Variants in COL24A1 observed in about 807,000 individuals in gnomAD.
The protein encoded by COL24A1 is collagen type XXIV alpha 1 chain.
Under a neutral mutation model 253.9 loss-of-function variants are expected in COL24A1, and 224 were observed. That is an observed-to-expected ratio of 0.88 (90% confidence interval 0.79 to 0.99). The LOEUF (loss-of-function observed/expected upper bound fraction) is 0.99. Ranked by LOEUF, COL24A1 falls within the 50% of genes least tolerant of loss-of-function variation. The pLI is 0.00. For synonymous variants in COL24A1, 685 were observed against 673.7 expected (o/e 1.02, Z -0.26); for missense variants, 2,131 against 2,068.5 (o/e 1.03, Z -0.59).
chr1:85,921,464 T>C (rs1490028104), intron 24 of COL24A1, among the ~76,000 whole-genome samples: 1 of 152,100 alleles, frequency 6.6e-6, no homozygotes, highest in Non-Finnish European at 1.5e-5. Context: ...GGATGAAGCT[T>C]CCAGAGGAAG....
intron 47 of COL24A1, among the ~76,000 whole-genome samples, chr1:85,786,983 G>T (rs1669748424): frequency 6.6e-6 from 1 of 152,102 alleles, no homozygotes; most frequent in South Asian, 2.1e-4. Flanking sequence ...ACTAAATTCA[G>T]TCCATCACCT....
chr1:86,097,848 T>C (rs1704129042), intron 5 of COL24A1, among the ~76,000 whole-genome samples: 1 of 152,030 alleles, frequency 6.6e-6, no homozygotes, highest in Admixed American at 6.6e-5. Context: ...CTATGGCATG[T>C]CCCCTGAACT....
At chr1:85,971,228 A>T (rs1475237946) in intron 21 of COL24A1, 112 bp downstream of exon 21, 1 of 773,416 alleles carries the variant, frequency 1.3e-6, no homozygotes, top group African/African-American at 1.8e-5. Flanking sequence ...ATAAAATGGT[A>T]ACTGGAAATC....
At chr1:85,966,137 T>G (rs965782210) in intron 22 of COL24A1, among the ~76,000 whole-genome samples, 1 of 152,060 alleles carries the variant, frequency 6.6e-6, no homozygotes, top group Admixed American at 6.6e-5. Context: ...CTGGATATAA[T>G]GTGAAGGTAG....
chr1:86,102,002 T>C (rs922452652), intron 5 of COL24A1, among the ~76,000 whole-genome samples: 1 of 152,028 alleles, frequency 6.6e-6, no homozygotes, highest in Non-Finnish European at 1.5e-5. Flanking sequence ...ACTACGAATC[T>C]ATCTGGTCCT....
At chr1:86,073,596 T>C (rs1332428085) in intron 7 of COL24A1, among the ~76,000 whole-genome samples, 1 of 152,090 alleles carries the variant, frequency 6.6e-6, no homozygotes, top group Non-Finnish European at 1.5e-5. Context: ...CAGACCAACA[T>C]TCAAATTCAG....
At chr1:85,784,449 C>T (rs966284780) in intron 48 of COL24A1, 83 bp from the exon 49 acceptor site, 2 of 933,778 alleles carry the variant, frequency 2.1e-6, no homozygotes, top group African/African-American at 3.2e-5. Flanking sequence ...AATACAGGCC[C>T]ATCCTTAGGC....
chr1:85,852,753 C>A (rs1403360786), intron 37 of COL24A1, among the ~76,000 whole-genome samples: 1 of 152,058 alleles, frequency 6.6e-6, no homozygotes, highest in Non-Finnish European at 1.5e-5. Flanking sequence ...TTGGAAATTG[C>A]ATTTAAAAAT....
Position 86,067,217 on chromosome 1 carries a change from C to A in COL24A1, c.1708-3458G>T, listed in dbSNP as rs1701561983. Among the ~76,000 whole-genome samples the A allele has an allele frequency of 3.3e-5, 5 of 151,790 alleles. No individual in the cohort carries two copies. The South Asian group carries it at 1.0e-3, about 32-fold the overall frequency. On this transcript the variant is annotated intron_variant, in intron 7 of 59. Transcript: ENST00000370571. ...GAAGAATTCACGTAAGGTCAGTGGA[C>A]ATATCAGGCTCCCACGGGGCACTTC... is the stretch of plus-strand genomic sequence containing the variant.
intron 24 of COL24A1, among the ~76,000 whole-genome samples, chr1:85,926,990 T>C (rs566429735): frequency 2.0e-5 from 3 of 152,314 alleles, no homozygotes; most frequent in South Asian, 2.1e-4. Flanking sequence ...ACCAGGTTGA[T>C]GGTAACCTGT....
intron 36 of COL24A1, 67 bp downstream of exon 36, chr1:85,868,715 G>T: frequency 7.1e-7 from 1 of 1,417,950 alleles, no homozygotes; most frequent in South Asian, 1.3e-5. Flanking sequence ...CAAAAACAAT[G>T]ATGTCTAATA....
intron 3 of COL24A1, among the ~76,000 whole-genome samples, chr1:86,120,617 G>A (rs1352040155): frequency 1.3e-5 from 2 of 152,152 alleles, no homozygotes; most frequent in Non-Finnish European, 2.9e-5. Context: ...AGTTAGAATG[G>A]CGATCATTAA....
At chr1:85,744,165 G>C (rs1370972020) in intron 57 of COL24A1, among the ~76,000 whole-genome samples, 13 of 151,706 alleles carry the variant, frequency 8.6e-5, no homozygotes, top group Non-Finnish European at 1.9e-4. Context: ...TGCACCTCTG[G>C]CTAATGAAAT....
chr1:86,075,271 CAAAT>C (rs1459611113), intron 7 of COL24A1, among the ~76,000 whole-genome samples: 1 of 152,128 alleles, frequency 6.6e-6, no homozygotes, highest in Non-Finnish European at 1.5e-5. Context: ...CACCTCTACA[CAAAT>C]AAACTAGAAA....
chr1:85,880,268 T>C (rs1462371351), intron 32 of COL24A1, among the ~76,000 whole-genome samples: 1 of 152,230 alleles, frequency 6.6e-6, no homozygotes, highest in Non-Finnish European at 1.5e-5. Flanking sequence ...TCTTTTTTGG[T>C]GCTAATGTAA....
rs1484865554 is a variant in COL24A1 at position 85,899,039 on chromosome 1, T to G, written c.2779-2630A>C. Among the ~76,000 whole-genome samples, 6 of 152,158 alleles carry G rather than the reference T, an allele frequency of 3.9e-5. No individual in the cohort carries two copies. The East Asian group carries it at 1.2e-3, about 29-fold the overall frequency. ...GTAGCCGAAGATGAAAAAAGAACAG[T>G]GTTCAAAGGATGACTCAAGTTTTAA... is the stretch of plus-strand genomic sequence containing the variant. On this transcript the variant is annotated intron_variant, in intron 28 of 59. Coordinates refer to ENST00000370571, the MANE Select transcript of COL24A1 (RefSeq NM_152890.7).
chr1:85,850,936 G>A (rs1036571567), intron 37 of COL24A1, among the ~76,000 whole-genome samples: 5 of 151,176 alleles, frequency 3.3e-5, no homozygotes, highest in South Asian at 4.2e-4. Flanking sequence ...ATGAAAGCCC[G>A]TTTACCTACA....
intron 24 of COL24A1, among the ~76,000 whole-genome samples, chr1:85,943,035 C>G (rs980502787): frequency 6.6e-6 from 1 of 152,148 alleles, no homozygotes; most frequent in Non-Finnish European, 1.5e-5. Context: ...GATCTGCCCT[C>G]AATGTTAGCA....
chr1:86,126,418 A>C (rs778035770), intron 2 of COL24A1, among the ~76,000 whole-genome samples: 1 of 151,944 alleles, frequency 6.6e-6, no homozygotes, highest in Admixed American at 6.6e-5. Flanking sequence ...AATAAAGTAC[A>C]TGCCCCTCCC....
Sources: allele counts gnomAD v4.1 joint callset (sites outside exome capture counted in the v4.1 genomes callset), GRCh38; gene constraint gnomAD v4.1.1; transcripts MANE v1.5; gene names NCBI Gene and HGNC (gene_info 2026-07-23, HGNC 2026-07-21).